PDZRN4: variants seen among roughly 807,000 people sequenced by gnomAD.
PDZRN4 encodes PDZ domain containing ring finger 4, also known as PDZ domain-containing RING finger protein 4.
A neutral mutation model predicts 99.0 loss-of-function variants in PDZRN4; 70 were observed. The observed-to-expected ratio is 0.71, with a 90% confidence interval of 0.58 to 0.86. PDZRN4 has a LOEUF of 0.86. Ranked by LOEUF, PDZRN4 falls within the 40% of genes least tolerant of loss-of-function variation. The probability of loss-of-function intolerance (pLI) is 0.00; values close to 1 mark genes in which losing one functional copy is unlikely to be tolerated. For synonymous variants in PDZRN4, 551 were observed against 501.6 expected, an observed-to-expected ratio of 1.10 and a Z score of -1.32; for missense variants, 1,474 against 1,331.2, an observed-to-expected ratio of 1.11 and a Z score of -1.67.
chr12:41,452,449 A>AAAG (rs1555143734), intron 3 of PDZRN4, among the ~76,000 whole-genome samples: 12 of 141,740 alleles, frequency 8.5e-5, no homozygotes, highest in Non-Finnish European at 1.1e-4. Flanking sequence ...AAAAAAAAAA[A>AAAG]AAAGAAAGAA....
At chr12:41,411,316 C>T (rs1334337976) in intron 3 of PDZRN4, among the ~76,000 whole-genome samples, 1 of 152,122 alleles carries the variant, frequency 6.6e-6, no homozygotes, top group Non-Finnish European at 1.5e-5. Context: ...TCTAGCCCCA[C>T]TTCCTTCATC....
intron 7 of PDZRN4, among the ~76,000 whole-genome samples, chr12:41,559,376 T>C (rs1320031786): frequency 6.6e-6 from 1 of 152,186 alleles, no homozygotes; most frequent in African/African-American, 2.4e-5. Context: ...CAGGGACTTA[T>C]ATCAAATGTC....
At chr12:41,534,354 T>C (rs1938713838) in intron 5 of PDZRN4, among the ~76,000 whole-genome samples, 1 of 152,092 alleles carries the variant, frequency 6.6e-6, no homozygotes, top group Non-Finnish European at 1.5e-5. Context: ...GGTAAAGATG[T>C]GTCATGGTGG....
intron 5 of PDZRN4, among the ~76,000 whole-genome samples, chr12:41,550,525 G>C (rs1034401381): frequency 6.6e-6 from 1 of 152,034 alleles, no homozygotes; most frequent in Admixed American, 6.5e-5. Flanking sequence ...AACTTTGCTT[G>C]GTGTGTACAT....
intron 5 of PDZRN4, among the ~76,000 whole-genome samples, chr12:41,547,168 G>GAA (rs34051253): frequency 5.9e-5 from 9 of 152,200 alleles, no homozygotes; most frequent in Non-Finnish European, 1.3e-4. Flanking sequence ...AGAGAAGGGG[G>GAA]AAAAAACCTT....
intron 3 of PDZRN4, among the ~76,000 whole-genome samples, chr12:41,429,300 C>T (rs1189665222): frequency 6.6e-6 from 1 of 152,066 alleles, no homozygotes; most frequent in African/African-American, 2.4e-5. Context: ...ATAATAACTA[C>T]CAAGAAGGAA....
chr12:41,202,537 C>T (rs1320216648), intron 3 of PDZRN4, among the ~76,000 whole-genome samples: 1 of 152,010 alleles, frequency 6.6e-6, no homozygotes, highest in Admixed American at 6.6e-5. Flanking sequence ...ATTATTACAG[C>T]CACATCACAG....
rs116404692 is a variant in PDZRN4, at chr12:41,417,620, T to C, written c.844-88836T>C. ...GGATGCAATGTCAGAACTCCTATTA[T>C]AGCAATAATTACAAAGTAGTGAGAA... is the stretch of plus-strand genomic sequence containing the variant. On this transcript the variant is annotated intron_variant, in intron 3 of 9. Transcript: ENST00000402685. Among the ~76,000 whole-genome samples the C allele has an allele frequency of 3.1e-3, 472 of 152,296 alleles. 5 individuals are homozygous for C. The highest frequency in any genetic ancestry group is 0.011 in the African/African-American group (448 of 41,550).
chr12:41,343,678 G>T (rs1257602717), intron 3 of PDZRN4, among the ~76,000 whole-genome samples: 1 of 151,738 alleles, frequency 6.6e-6, no homozygotes, highest in African/African-American at 2.4e-5. Flanking sequence ...GCACAGTAGG[G>T]CAACCATTGT....
At chr12:41,435,388 C>G (rs1427873911) in intron 3 of PDZRN4, among the ~76,000 whole-genome samples, 2 of 152,170 alleles carry the variant, frequency 1.3e-5, no homozygotes, top group Non-Finnish European at 2.9e-5. Context: ...CATAACCTAT[C>G]ACACAAGAGA....
At chr12:41,507,979 G>A (rs1379335131) in intron 4 of PDZRN4, among the ~76,000 whole-genome samples, 1 of 152,076 alleles carries the variant, frequency 6.6e-6, no homozygotes, top group Non-Finnish European at 1.5e-5. Flanking sequence ...CTAAAACATA[G>A]TAGCCATCCA....
At chr12:41,454,259 A>G (rs972657078) in intron 3 of PDZRN4, among the ~76,000 whole-genome samples, 2 of 152,178 alleles carry the variant, frequency 1.3e-5, no homozygotes, top group Admixed American at 6.5e-5. Context: ...CATTTGTTTA[A>G]TTACATTATT....
chr12:41,312,281 A>G (rs1369070153), intron 3 of PDZRN4, among the ~76,000 whole-genome samples: 1 of 151,816 alleles, frequency 6.6e-6, no homozygotes, highest in East Asian at 1.9e-4. Context: ...AAAAAAACAC[A>G]CATACACATT....
chr12:41,211,404 T>C (rs1444117950), intron 3 of PDZRN4, among the ~76,000 whole-genome samples: 1 of 152,036 alleles, frequency 6.6e-6, no homozygotes, highest in African/African-American at 2.4e-5. Flanking sequence ...CTTTTATACT[T>C]GCCCATTACT....
Position 41,573,961 on chromosome 12 carries a change from G to T in PDZRN4, c.*71G>T, listed in dbSNP as rs1185084600. ...AGTTTCGGTAGAGTATGATTGCCTC[G>T]TTCAATGTGGCGTTTTTATATATAT... On this transcript the variant is annotated 3_prime_UTR_variant, in exon 10 of 10. Transcript: ENST00000402685. The T allele has an allele frequency of 2.5e-5, 26 of 1,059,618 alleles. No individual in the cohort carries two copies. Among genetic ancestry groups the T allele is most frequent in the Non-Finnish European group, 3.5e-5 (26 of 749,466 alleles). The allele number at this position is 1,059,618 out of a possible 1,614,324, so 65.6% of individuals were successfully genotyped here. A position where few individuals can be genotyped will look rare whatever the true frequency, so the allele number is the denominator to read the frequency against.
chr12:41,376,274 C>T (rs1555137039), intron 3 of PDZRN4, among the ~76,000 whole-genome samples: 1 of 152,096 alleles, frequency 6.6e-6, no homozygotes, highest in Non-Finnish European at 1.5e-5. Context: ...TATGGTAATT[C>T]TATTTTTAAT....
At chr12:41,555,018 C>A (rs1371471246) in intron 6 of PDZRN4, among the ~76,000 whole-genome samples, 3 of 139,312 alleles carry the variant, frequency 2.2e-5, no homozygotes, top group Non-Finnish European at 3.0e-5. Context: ...ACCATCCGGG[C>A]TAACACGGTG....
intron 3 of PDZRN4, among the ~76,000 whole-genome samples, chr12:41,264,646 T>C (rs547639227): frequency 6.6e-6 from 1 of 152,348 alleles, no homozygotes; most frequent in South Asian, 2.1e-4. Flanking sequence ...TAATCTTTTA[T>C]TTATATTTAG....
chr12:41,490,128 G>A (rs1937854998), intron 3 of PDZRN4, among the ~76,000 whole-genome samples: 1 of 152,056 alleles, frequency 6.6e-6, no homozygotes, highest in Non-Finnish European at 1.5e-5. Context: ...AAACTCCTGT[G>A]AGCAGTGAAA....
Sources: allele counts gnomAD v4.1 joint callset (sites outside exome capture counted in the v4.1 genomes callset), GRCh38; gene constraint gnomAD v4.1.1; transcripts MANE v1.5; gene names NCBI Gene and HGNC (gene_info 2026-07-23, HGNC 2026-07-21).